BAZ2B: variants seen among roughly 807,000 people sequenced by gnomAD.
BAZ2B encodes bromodomain adjacent to zinc finger domain 2B.
Under a neutral mutation model 246.0 loss-of-function variants are expected in BAZ2B, and 91 were observed. That is an observed-to-expected ratio of 0.37 (90% CI 0.31 to 0.44). The LOEUF is 0.44. Ranked by LOEUF, BAZ2B falls within the 20% of genes least tolerant of loss-of-function variation. The probability of loss-of-function intolerance (pLI) is 1.00; values close to 1 mark genes in which losing one functional copy is unlikely to be tolerated. For synonymous variants in BAZ2B, 855 were observed against 860.0 expected (o/e 0.99, Z 0.10); for missense variants, 2,332 against 2,533.7 (o/e 0.92, Z 1.71).
chr2:159,477,063 T>C (rs188212271), intron 3 of BAZ2B, among the ~76,000 whole-genome samples: 321 of 152,280 alleles, frequency 2.1e-3, no homozygotes, highest in African/African-American at 7.5e-3. Context: ...CCCAGCACTT[T>C]AGGAGGCCGA....
At chr2:159,369,138 T>C (rs1177183830) in intron 27 of BAZ2B, among the ~76,000 whole-genome samples, 2 of 152,156 alleles carry the variant, frequency 1.3e-5, no homozygotes, top group Admixed American at 6.5e-5. Flanking sequence ...TATTAAAAGG[T>C]CCACTTAAAT....
At chr2:159,536,043 A>T (rs1232408885) in intron 2 of BAZ2B, among the ~76,000 whole-genome samples, 1 of 152,240 alleles carries the variant, frequency 6.6e-6, no homozygotes, top group Non-Finnish European at 1.5e-5. Flanking sequence ...GTGAAATTAT[A>T]TACAGATTTG....
chr2:159,551,188 G>A lies in BAZ2B; in HGVS notation c.-3+4635C>T, dbSNP rs543676204. On this transcript the variant is annotated intron_variant, in intron 2 of 36. Transcript: ENST00000392783. Reference sequence around the variant, plus strand: ...AAGCCACTTTATTTAAAAGGTTGCCGGCCGGGCACGGTGGCTCACGCCTAT... The same window carrying A: ...AAGCCACTTTATTTAAAAGGTTGCCAGCCGGGCACGGTGGCTCACGCCTAT... 9.0e-4 allele frequency among the ~76,000 whole-genome samples: 137 copies of A among 152,204 alleles called. 2 individuals are homozygous for A. In the Middle Eastern group the frequency reaches 0.024, roughly 26 times the overall value.
chr2:159,447,420 C>T (rs2074412178), intron 5 of BAZ2B, among the ~76,000 whole-genome samples: 1 of 152,024 alleles, frequency 6.6e-6, no homozygotes, highest in African/African-American at 2.4e-5. Flanking sequence ...AATTGTAAAA[C>T]ACATTAGAGA....
chr2:159,416,357 T>A (rs1034929503), intron 13 of BAZ2B, among the ~76,000 whole-genome samples: 3 of 152,186 alleles, frequency 2.0e-5, no homozygotes, highest in Non-Finnish European at 4.4e-5. Flanking sequence ...AAGGAAGATA[T>A]CAGCATAGTT....
intron 2 of BAZ2B, among the ~76,000 whole-genome samples, chr2:159,515,404 A>G (rs1318508849): frequency 6.6e-6 from 1 of 152,044 alleles, no homozygotes; most frequent in Non-Finnish European, 1.5e-5. Flanking sequence ...TCCTTTGGTA[A>G]TATTATATTA....
At chr2:159,654,610 G>GA in the BAZ2B span, among the ~76,000 whole-genome samples, 1 of 152,056 alleles carries the variant, frequency 6.6e-6, no homozygotes, top group African/African-American at 2.4e-5. Flanking sequence ...GCTCTCTATT[G>GA]AAAAAAATGC....
intron 2 of BAZ2B, among the ~76,000 whole-genome samples, chr2:159,503,387 C>G (rs1231859778): frequency 6.6e-6 from 1 of 152,140 alleles, no homozygotes. Context: ...CTCAAATGCC[C>G]TGCCCTTATT....
intron 3 of BAZ2B, among the ~76,000 whole-genome samples, chr2:159,471,446 A>G (rs926661376): frequency 1.3e-5 from 2 of 152,110 alleles, no homozygotes; most frequent in Non-Finnish European, 2.9e-5. Context: ...AAAAAATTTT[A>G]AAAATTAGCT....
intron 2 of BAZ2B, among the ~76,000 whole-genome samples, chr2:159,484,861 T>TAAAAAA (rs1191102759): frequency 1.3e-5 from 2 of 152,100 alleles, no homozygotes; most frequent in African/African-American, 4.8e-5. Context: ...TAGCCACAGA[T>TAAAAAA]TAAAGATGCA....
chr2:159,383,452 CCT>C (rs559549055), intron 24 of BAZ2B, among the ~76,000 whole-genome samples, 152 bp downstream of exon 24: 46 of 152,082 alleles, frequency 3.0e-4, no homozygotes, highest in African/African-American at 4.6e-4. Context: ...AAATTCTGCC[CCT>C]GAGTTTTATT....
the BAZ2B span, among the ~76,000 whole-genome samples, chr2:159,624,405 C>G: frequency 6.6e-6 from 1 of 152,194 alleles, no homozygotes; most frequent in Non-Finnish European, 1.5e-5. Context: ...GGGGAGACAC[C>G]TCCCAGTAGG....
the BAZ2B span, among the ~76,000 whole-genome samples, chr2:159,659,807 A>T: frequency 2.0e-5 from 3 of 152,154 alleles, no homozygotes; most frequent in African/African-American, 7.2e-5. Flanking sequence ...CAGGGCACAG[A>T]AGTTGTTGTT....
the BAZ2B span, among the ~76,000 whole-genome samples, chr2:159,635,221 T>C: frequency 6.6e-6 from 1 of 152,174 alleles, no homozygotes; most frequent in Non-Finnish European, 1.5e-5. Flanking sequence ...GGAATTTAGA[T>C]CATTCCCTCA....
chr2:159,386,755 G>C, intron 21 of BAZ2B, 148 bp from the exon 22 acceptor site: 1 of 932,408 alleles, frequency 1.1e-6, no homozygotes, highest in Non-Finnish European at 1.6e-6. Context: ...TAAATTCTCT[G>C]GGGGCATTTC....
chr2:159,541,969 T>C (rs1423619604), intron 2 of BAZ2B, among the ~76,000 whole-genome samples: 2 of 151,956 alleles, frequency 1.3e-5, no homozygotes, highest in Non-Finnish European at 2.9e-5. Context: ...AGAATATCAA[T>C]AAAGAAACAG....
chr2:159,322,350 T>C (rs174224), intron 36 of BAZ2B, among the ~76,000 whole-genome samples: 144,711 of 152,170 alleles, frequency 0.95, 69,256 homozygotes, highest in East Asian at 1. Context: ...TTATCGTCAC[T>C]TCTAAAACAC....
the BAZ2B span, among the ~76,000 whole-genome samples, chr2:159,682,099 A>G: frequency 2.6e-5 from 4 of 151,816 alleles, no homozygotes; most frequent in African/African-American, 9.7e-5. Context: ...CAACCCATCA[A>G]TGGCAATCCT....
In BAZ2B at chr2:159,493,617, G is replaced by A. The variant is rs1025227789; in HGVS notation, c.-2-14896C>T. Among the ~76,000 whole-genome samples the A allele has an allele frequency of 4.6e-5, 7 of 152,280 alleles. No individual in the cohort carries two copies. In the East Asian group the frequency reaches 9.7e-4, roughly 21 times the overall value. ...TATACTTACCATTACTAAAATGTTG[G>A]AATTTCATTAAAATCAGTGGTAGAT... On this transcript the variant is annotated intron_variant, in intron 2 of 36. Coordinates refer to ENST00000392783, the MANE Select transcript of BAZ2B (RefSeq NM_013450.4).
Sources: gnomAD v4.1 joint callset for allele counts (sites outside exome capture counted in the v4.1 genomes callset) on GRCh38, gnomAD v4.1.1 for gene constraint, MANE v1.5 for transcripts, NCBI Gene and HGNC (gene_info 2026-07-23, HGNC 2026-07-21) for gene names.